Variants in RAD23B observed in about 807,000 individuals in gnomAD.
RAD23B encodes the protein RAD23 nucleotide excision repair protein B.
Under a neutral mutation model 49.1 loss-of-function variants are expected in RAD23B, and 5 were observed. That is an observed-to-expected ratio of 0.10 (90% CI 0.05 to 0.21). RAD23B has a LOEUF of 0.21. Ranked by LOEUF, RAD23B falls within the 10% of genes least tolerant of loss-of-function variation. RAD23B has a pLI of 1.00. For missense variants in RAD23B, 356 were observed against 486.7 expected (o/e 0.73, Z 2.53); for synonymous variants, 184 against 165.4 (o/e 1.11, Z -0.86).
intron 9 of RAD23B, among the ~76,000 whole-genome samples, chr9:107,326,828 C>T (rs991154008): frequency 2.4e-4 from 36 of 151,322 alleles, no homozygotes; most frequent in African/African-American, 8.0e-4. Flanking sequence ...TTAGTAGAGA[C>T]GGGGTTTCAA....
intron 9 of RAD23B, among the ~76,000 whole-genome samples, chr9:107,326,899 A>C (rs1382811925): frequency 2.0e-5 from 3 of 152,012 alleles, no homozygotes; most frequent in Non-Finnish European, 4.4e-5. Context: ...TCGGCCTCCT[A>C]AAGTGCTGGG....
intron 4 of RAD23B, among the ~76,000 whole-genome samples, chr9:107,307,790 T>G (rs1292730300): frequency 6.6e-6 from 1 of 152,164 alleles, no homozygotes; most frequent in East Asian, 1.9e-4. Flanking sequence ...AATAATTGAT[T>G]CCCTAAGAAG....
At chr9:107,306,089 ATTT>A (rs1826764468) in intron 3 of RAD23B, among the ~76,000 whole-genome samples, 8 of 130,612 alleles carry the variant, frequency 6.1e-5, no homozygotes, top group South Asian at 2.3e-4. Context: ...ATCTATATAT[ATTT>A]CAAATTTTTT....
In RAD23B at chr9:107,300,238, TA is replaced by T; in HGVS notation, c.148+20del. On this transcript the variant is annotated intron_variant, in intron 2 of 9. Coordinates refer to ENST00000358015, the MANE Select transcript of RAD23B (RefSeq NM_002874.5). Reference sequence around the variant, plus strand: ...ATTTATGCAGGTATGAATTAAATATTAAAATTAACATGCCATGTCTTGATAT... The same window carrying T: ...ATTTATGCAGGTATGAATTAAATATTAAATTAACATGCCATGTCTTGATAT... 1 of 1,592,914 alleles carries T rather than the reference TA, an allele frequency of 6.3e-7. No individual in the cohort carries two copies. The highest frequency in any genetic ancestry group is 8.5e-7 in the Non-Finnish European group (1 of 1,171,050).
intron 6 of RAD23B, among the ~76,000 whole-genome samples, chr9:107,319,840 C>T (rs552320784): frequency 1.3e-5 from 2 of 152,278 alleles, no homozygotes; most frequent in African/African-American, 4.8e-5. Flanking sequence ...TGAAAGTCTG[C>T]TAGTTTTACA....
rs11573701 is a variant in RAD23B, at chr9:107,322,194, C to G, written c.817+76C>G. Reference sequence around the variant, plus strand: ...TAAAATAATTTAACCTGAAATACTTCAGAAATGACGTTCATTCCCAGAGCA... The same window carrying G: ...TAAAATAATTTAACCTGAAATACTTGAGAAATGACGTTCATTCCCAGAGCA... On this transcript the variant is annotated intron_variant, in intron 7 of 9. Transcript: ENST00000358015. The G allele has an allele frequency of 2.5e-3, 3,641 of 1,439,696 alleles. 48 individuals are homozygous for G. The African/African-American group carries it at 0.037, about 14-fold the overall frequency. 89.2% of individuals were successfully genotyped at this position (1,439,696 alleles called of 1,614,324 possible). A position where few individuals can be genotyped will look rare whatever the true frequency, so the allele number is the denominator to read the frequency against.
intron 1 of RAD23B, among the ~76,000 whole-genome samples, chr9:107,287,808 T>TG (rs1833302635): frequency 7.9e-6 from 1 of 127,216 alleles, no homozygotes; most frequent in Admixed American, 9.4e-5. Context: ...CACTCCAGCC[T>TG]GGGTAACAAG....
intron 5 of RAD23B, among the ~76,000 whole-genome samples, chr9:107,313,206 T>G (rs1389648324): frequency 6.6e-6 from 1 of 151,810 alleles, no homozygotes; most frequent in Non-Finnish European, 1.5e-5. Flanking sequence ...CTTTTTTCCT[T>G]TATTTTCTTT....
Position 107,330,473 on chromosome 9 carries a change from T to C in RAD23B, c.*817T>C, listed in dbSNP as rs1391860040. ...CCATTGCATGTTTGCTTTTGATGTA[T>C]CCCTTTGTGAAATTAGCACTTTTGG... On this transcript the variant is annotated 3_prime_UTR_variant, in exon 10 of 10. Coordinates refer to ENST00000358015, the MANE Select transcript of RAD23B (RefSeq NM_002874.5). The surrounding 1 kb of genome is among the most constrained non-coding windows in gnomAD (Gnocchi z 4.4). The C allele has an allele frequency of 6.6e-6, 1 of 152,638 alleles. No individual in the cohort carries two copies. Among genetic ancestry groups the C allele is most frequent in the Non-Finnish European group, 1.5e-5 (1 of 68,040 alleles). 9.5% of individuals were successfully genotyped at this position (152,638 alleles called of 1,614,324 possible).
chr9:107,293,247 CT>C (rs1833419874), intron 1 of RAD23B, among the ~76,000 whole-genome samples: 1 of 152,162 alleles, frequency 6.6e-6, no homozygotes, highest in African/African-American at 2.4e-5. Flanking sequence ...AGAAGTCACA[CT>C]TTTACTTCAG....
At chr9:107,316,512 A>G (rs1827001054) in intron 5 of RAD23B, among the ~76,000 whole-genome samples, 1 of 152,174 alleles carries the variant, frequency 6.6e-6, no homozygotes, top group African/African-American at 2.4e-5. Flanking sequence ...CTGAACATGT[A>G]TTGCTACTTG....
rs1827287319 is a variant in RAD23B at position 107,330,513 on chromosome 9, T to C, written c.*857T>C. On this transcript the variant is annotated 3_prime_UTR_variant, in exon 10 of 10. Coordinates refer to ENST00000358015, the MANE Select transcript of RAD23B (RefSeq NM_002874.5). This position sits in a 1 kb window ranked among gnomAD's most constrained non-coding sequence, Gnocchi z 4.4. ...AGCACTTTTGGGGCCAATGGAGAAA[T>C]GCAGCATTCACTCTCCCTGTCTTTT... The C allele has an allele frequency of 6.6e-6, 1 of 152,634 alleles. No homozygotes were observed. The highest frequency in any genetic ancestry group is 2.4e-5 in the African/African-American group (1 of 41,444). 9.5% of individuals were successfully genotyped at this position (152,634 alleles called of 1,614,324 possible).
chr9:107,306,737 C>T lies in RAD23B; in HGVS notation c.497+90C>T, dbSNP rs189146540. ...ATTTTGATTATTGTTTTGATCAAAC[C>T]GACTATATCTATTACGTTAAGCTTT... On this transcript the variant is annotated intron_variant, in intron 4 of 9. Transcript: ENST00000358015. 83 of 1,374,722 alleles carry T rather than the reference C, an allele frequency of 6.0e-5. No individual in the cohort carries two copies. In the East Asian group the frequency reaches 8.8e-4, roughly 15 times the overall value. 85.2% of individuals were successfully genotyped at this position (1,374,722 alleles called of 1,614,324 possible).
At chr9:107,300,065 C>T in intron 1 of RAD23B, 76 bp from the exon 2 acceptor site, 1 of 1,515,714 alleles carries the variant, frequency 6.6e-7, no homozygotes, top group Non-Finnish European at 8.8e-7. Flanking sequence ...TTTTTGTCTT[C>T]CATTATTTAT....
chr9:107,330,986 C>G lies in RAD23B; in HGVS notation c.*1330C>G, dbSNP rs1183135354. 6.6e-6 allele frequency: 1 copy of G among 152,574 alleles called. No individual in the cohort carries two copies. The highest frequency in any genetic ancestry group is 1.5e-5 in the Non-Finnish European group (1 of 68,010). 9.5% of individuals were successfully genotyped at this position (152,574 alleles called of 1,614,324 possible). On this transcript the variant is annotated 3_prime_UTR_variant, in exon 10 of 10. Coordinates refer to ENST00000358015, the MANE Select transcript of RAD23B (RefSeq NM_002874.5). This position sits in a 1 kb window ranked among gnomAD's most constrained non-coding sequence, Gnocchi z 4.4. ...ATTTAATCATAAACGGGGCAGATGTCTACTTGTTCAGTTTTTCAAATCTGT... is the reference window on the plus strand; with the variant it reads ...ATTTAATCATAAACGGGGCAGATGTGTACTTGTTCAGTTTTTCAAATCTGT...
intron 7 of RAD23B, among the ~76,000 whole-genome samples, chr9:107,323,081 A>G (rs1480446643): frequency 2.0e-5 from 3 of 152,256 alleles, no homozygotes; most frequent in Admixed American, 2.0e-4. Context: ...ATTCTCTTTT[A>G]TTCATTAGTA....
intron 1 of RAD23B, chr9:107,284,959 C>T (rs1007828566): frequency 1.5e-6 from 2 of 1,300,878 alleles, no homozygotes; most frequent in African/African-American, 1.5e-5. Flanking sequence ...ATTATTTAAA[C>T]AATGGATTCC....
intron 8 of RAD23B, 39 bp downstream of exon 8, chr9:107,324,056 G>A (rs1175894602): frequency 6.2e-7 from 1 of 1,600,714 alleles, no homozygotes; most frequent in Non-Finnish European, 8.6e-7. Context: ...GATTTAGAGT[G>A]TGTCACAATT....
chr9:107,329,660 G>A lies in RAD23B; in HGVS notation c.*4G>A. 1 of 1,590,516 alleles carries A rather than the reference G, an allele frequency of 6.3e-7. No homozygotes were observed. On this transcript the variant is annotated 3_prime_UTR_variant, in exon 10 of 10. Transcript: ENST00000358015. ...GCAGAACTTTGATGAAGATTGAAAGGGACTTTTTTATATCTCACACTTCAC... is the reference window on the plus strand; with the variant it reads ...GCAGAACTTTGATGAAGATTGAAAGAGACTTTTTTATATCTCACACTTCAC...
Sources: allele counts gnomAD v4.1 joint callset (sites outside exome capture counted in the v4.1 genomes callset), GRCh38; gene constraint gnomAD v4.1.1; non-coding constraint Gnocchi (gnomAD v3.1); transcripts MANE v1.5; gene names NCBI Gene and HGNC (gene_info 2026-07-23, HGNC 2026-07-21).